MTUS2: variants seen among roughly 807,000 people sequenced by gnomAD.
MTUS2 encodes the protein microtubule-associated tumor suppressor candidate 2.
MTUS2 carries 40 observed loss-of-function variants against 114.1 expected under a neutral mutation model. That is an observed-to-expected ratio of 0.35 (90% CI 0.27 to 0.46). MTUS2 has a LOEUF of 0.46. MTUS2 is among the 20% of genes least tolerant of loss of function. MTUS2 has a pLI of 1.00. For missense variants in MTUS2, 1,679 were observed against 1,705.4 expected, an observed-to-expected ratio of 0.98 and a Z score of 0.27; for synonymous variants, 688 against 672.0, an observed-to-expected ratio of 1.02 and a Z score of -0.37.
At chr13:29,000,110 T>C (rs1342536499) in intron 2 of MTUS2, among the ~76,000 whole-genome samples, 1 of 152,230 alleles carries the variant, frequency 6.6e-6, no homozygotes, top group Non-Finnish European at 1.5e-5. Flanking sequence ...TTTGACGTAT[T>C]GCTTTCATCC....
chr13:29,194,916 TA>T (rs1315268687), intron 5 of MTUS2, among the ~76,000 whole-genome samples: 10 of 148,622 alleles, frequency 6.7e-5, no homozygotes, highest in Middle Eastern at 3.4e-3. Context: ...TATGCAGCCA[TA>T]AAAAATGATG....
At chr13:28,967,278 C>T (rs1170962583) in intron 2 of MTUS2, among the ~76,000 whole-genome samples, 1 of 152,134 alleles carries the variant, frequency 6.6e-6, no homozygotes, top group African/African-American at 2.4e-5. Context: ...ATTCCTTGTG[C>T]ACCATTTTAC....
At chr13:29,268,621 T>C (rs548226550) in intron 5 of MTUS2, among the ~76,000 whole-genome samples, 1 of 152,312 alleles carries the variant, frequency 6.6e-6, no homozygotes, top group East Asian at 1.9e-4. Flanking sequence ...CCCTCCATGG[T>C]GAGGCCTTCC....
At position 29,051,239 on chromosome 13, in the gene MTUS2, G is replaced by T. The variant is rs1459674032; in HGVS notation, c.2446+17114G>T. Among the ~76,000 whole-genome samples, 5 of 152,244 alleles carry T rather than the reference G, an allele frequency of 3.3e-5. No individual in the cohort carries two copies. In the East Asian group the frequency reaches 9.7e-4, roughly 29 times the overall value. ...TTTGGAGGTAGAGCCAATAGGATTG[G>T]ACTCTGAGCACGGGTGATGGGGAAA... is the stretch of plus-strand genomic sequence containing the variant. On this transcript the variant is annotated intron_variant, in intron 4 of 15. Transcript: ENST00000612955.
At chr13:29,102,910 T>G (rs1890481717) in intron 5 of MTUS2, among the ~76,000 whole-genome samples, 1 of 152,208 alleles carries the variant, frequency 6.6e-6, no homozygotes, top group South Asian at 2.1e-4. Context: ...ATGGTATATA[T>G]CTTTCCAACA....
intron 2 of MTUS2, among the ~76,000 whole-genome samples, chr13:28,928,068 A>T (rs1881419264): frequency 6.6e-6 from 1 of 152,214 alleles, no homozygotes; most frequent in Admixed American, 6.5e-5. Flanking sequence ...TGAATCTAGG[A>T]TTCCTATTTC....
chr13:28,828,278 C>T (rs1214682926), intron 1 of MTUS2, among the ~76,000 whole-genome samples: 1 of 152,210 alleles, frequency 6.6e-6, no homozygotes, highest in East Asian at 1.9e-4. Context: ...CCCTTGTTCC[C>T]TCAACATTGC....
At chr13:28,980,636 C>T (rs1884318134) in intron 2 of MTUS2, among the ~76,000 whole-genome samples, 1 of 152,130 alleles carries the variant, frequency 6.6e-6, no homozygotes. Context: ...CAATGTTTTT[C>T]TTGTACAAAC....
intron 3 of MTUS2, among the ~76,000 whole-genome samples, chr13:29,028,101 C>A (rs764880600): frequency 1.4e-5 from 2 of 143,642 alleles, no homozygotes; most frequent in South Asian, 2.1e-4. Flanking sequence ...CACCTGTAAT[C>A]CCAGCATTTG....
chr13:29,089,948 A>G (rs1359232100), intron 4 of MTUS2, among the ~76,000 whole-genome samples: 1 of 152,194 alleles, frequency 6.6e-6, no homozygotes, highest in Non-Finnish European at 1.5e-5. Flanking sequence ...GCCATTTCAA[A>G]CTGGTTAAGA....
At chr13:29,175,389 C>T (rs1214031741) in intron 5 of MTUS2, among the ~76,000 whole-genome samples, 2 of 152,148 alleles carry the variant, frequency 1.3e-5, no homozygotes, top group African/African-American at 4.8e-5. Flanking sequence ...CAGTCATTTC[C>T]ATCTGAAGCG....
At chr13:29,063,507 T>A (rs1411921406) in intron 4 of MTUS2, among the ~76,000 whole-genome samples, 2 of 152,216 alleles carry the variant, frequency 1.3e-5, no homozygotes, top group Admixed American at 1.3e-4. Context: ...GGGACAGTTC[T>A]TCTCAACATA....
At chr13:29,389,541 G>GTATGTGTA (rs1873051275) in intron 8 of MTUS2, among the ~76,000 whole-genome samples, 2 of 113,214 alleles carry the variant, frequency 1.8e-5, no homozygotes, top group African/African-American at 8.4e-5. Flanking sequence ...ATACACGTGT[G>GTATGTGTA]TATATGTATA....
chr13:29,131,478 G>A, intron 5 of MTUS2, among the ~76,000 whole-genome samples: 1 of 152,244 alleles, frequency 6.6e-6, no homozygotes, highest in East Asian at 1.9e-4. Flanking sequence ...GCAGGTGGGG[G>A]CCATTGAGGC....
At chr13:28,887,449 C>T (rs889267278) in intron 2 of MTUS2, among the ~76,000 whole-genome samples, 4 of 152,174 alleles carry the variant, frequency 2.6e-5, no homozygotes, top group South Asian at 2.1e-4. Context: ...CTGGGCACAG[C>T]GGGTGAGGCA....
At chr13:28,853,658 CT>C (rs1405296243) in intron 2 of MTUS2, among the ~76,000 whole-genome samples, 10 of 152,258 alleles carry the variant, frequency 6.6e-5, no homozygotes, top group African/African-American at 2.4e-4. Context: ...CCAAATTGAC[CT>C]TCACAAAATA....
At chr13:28,994,689 A>T (rs1020518487) in intron 2 of MTUS2, among the ~76,000 whole-genome samples, 6 of 152,210 alleles carry the variant, frequency 3.9e-5, no homozygotes, top group Non-Finnish European at 7.4e-5. Context: ...TTTGGCTGCA[A>T]AAATGTCTTC....
At chr13:29,297,876 TACAC>T (rs71190801) in intron 6 of MTUS2, among the ~76,000 whole-genome samples, 2 of 151,356 alleles carry the variant, frequency 1.3e-5, no homozygotes, top group African/African-American at 4.8e-5. Flanking sequence ...TGTACACACA[TACAC>T]ACACACACAC....
At chr13:29,409,767 G>A (rs1875078199) in intron 8 of MTUS2, among the ~76,000 whole-genome samples, 1 of 150,100 alleles carries the variant, frequency 6.7e-6, no homozygotes, top group Non-Finnish European at 1.5e-5. Context: ...AATCATGCCA[G>A]ATAAGTTCAT....
Sources: allele counts gnomAD v4.1 joint callset (sites outside exome capture counted in the v4.1 genomes callset), GRCh38; gene constraint gnomAD v4.1.1; transcripts MANE v1.5; gene names NCBI Gene and HGNC (gene_info 2026-07-23, HGNC 2026-07-21).